The following RAMP1 variants were observed in gnomAD, a reference collection of about 807,000 sequenced individuals.
RAMP1 encodes receptor activity-modifying protein 1.
In RAMP1, 7 loss-of-function variants were observed where a neutral mutation model predicts 8.2. The ratio of observed to expected loss-of-function variants is 0.85; its 90% CI spans 0.49 to 1.60. The LOEUF is 1.60. RAMP1 is among the 40% of genes most tolerant of loss of function. The pLI is 0.00. For missense variants in RAMP1, 192 were observed against 202.4 expected, an observed-to-expected ratio of 0.95 and a Z score of 0.31; for synonymous variants, 92 against 84.7, an observed-to-expected ratio of 1.09 and a Z score of -0.47.
At chr2:237,886,063 G>C (rs1408650965) in intron 2 of RAMP1, among the ~76,000 whole-genome samples, 1 of 152,210 alleles carries the variant, frequency 6.6e-6, no homozygotes, top group Non-Finnish European at 1.5e-5. Context: ...AGTGACACCA[G>C]TCTGGCTCCC....
rs2062715830 is a variant in RAMP1 at position 237,911,683 on chromosome 2, G to T, written c.347G>T (p.Gly116Val). Residue 116 changes from glycine (G) to valine (V), a missense_variant, in exon 3 of 3, where the codon GGC (glycine) becomes GTC (valine). Coordinates refer to ENST00000254661, the MANE Select transcript of RAMP1 (RefSeq NM_005855.4). ...GGCAGGGCCGTGCGGGACCCGCCCG[G>T]CAGCATCCTCTACCCCTTCATCGTG... ...ISGRAVRDPP[G>V]SILYPFIVVP... The T allele has an allele frequency of 1.2e-6, 2 of 1,613,864 alleles. No individual in the cohort carries two copies. Among genetic ancestry groups the T allele is most frequent in the South Asian group, 2.2e-5 (2 of 91,082 alleles).
intron 2 of RAMP1, among the ~76,000 whole-genome samples, chr2:237,903,143 G>A (rs1205955943): frequency 1.3e-5 from 2 of 152,076 alleles, no homozygotes; most frequent in Non-Finnish European, 2.9e-5. Flanking sequence ...ACAGGCATGA[G>A]AGCTGTTCTT....
intron 2 of RAMP1, among the ~76,000 whole-genome samples, chr2:237,904,599 C>G (rs960397888): frequency 1.3e-5 from 2 of 152,150 alleles, no homozygotes; most frequent in African/African-American, 4.8e-5. Context: ...CAGAGCAAAA[C>G]GCTGTCTAAA....
intron 2 of RAMP1, among the ~76,000 whole-genome samples, chr2:237,879,763 G>T (rs939558872): frequency 6.7e-6 from 1 of 149,222 alleles, no homozygotes; most frequent in African/African-American, 2.5e-5. Flanking sequence ...GTCAAGGCGG[G>T]TGGATCAACT....
At chr2:237,908,649 G>A (rs2062676642) in intron 2 of RAMP1, among the ~76,000 whole-genome samples, 1 of 152,072 alleles carries the variant, frequency 6.6e-6, no homozygotes, top group South Asian at 2.1e-4. Context: ...TCTTGGCCAG[G>A]CTGGTCTTGA....
At chr2:237,899,141 G>A (rs907960682) in intron 2 of RAMP1, among the ~76,000 whole-genome samples, 5 of 151,534 alleles carry the variant, frequency 3.3e-5, no homozygotes, top group Admixed American at 2.0e-4. Context: ...CATGATCTCC[G>A]CTCGCTGCAA....
intron 2 of RAMP1, among the ~76,000 whole-genome samples, chr2:237,884,235 C>A (rs979806089): frequency 1.3e-5 from 2 of 152,184 alleles, no homozygotes; most frequent in Non-Finnish European, 2.9e-5. Context: ...GGCTCCCCTG[C>A]AAGCTGGCTG....
At chr2:237,904,562 C>T (rs1314194151) in intron 2 of RAMP1, among the ~76,000 whole-genome samples, 1 of 152,118 alleles carries the variant, frequency 6.6e-6, no homozygotes, top group Non-Finnish European at 1.5e-5. Flanking sequence ...GAGCCAAGAT[C>T]GTGCCACTGC....
intron 2 of RAMP1, among the ~76,000 whole-genome samples, chr2:237,891,215 G>GA (rs1559947562): frequency 6.7e-6 from 1 of 149,758 alleles, no homozygotes; most frequent in Non-Finnish European, 1.5e-5. Context: ...CAGTGGCATG[G>GA]TCTCGGCTCA....
rs115582277 is a variant in RAMP1, at chr2:237,894,932, C to T, written c.192-16596C>T. On this transcript the variant is annotated intron_variant, in intron 2 of 2. Transcript: ENST00000254661. ...CTCCTATCTGGTTGTGGTTCTCCTTCGACAAGTTAGGTGAAGGCACCTTGG... is the reference window on the plus strand; with the variant it reads ...CTCCTATCTGGTTGTGGTTCTCCTTTGACAAGTTAGGTGAAGGCACCTTGG... 8.3e-3 allele frequency among the ~76,000 whole-genome samples: 1,257 copies of T among 152,250 alleles called. 20 individuals are homozygous for T. The highest frequency in any genetic ancestry group is 0.028 in the African/African-American group (1,169 of 41,546).
chr2:237,895,073 C>T (rs1276477153), intron 2 of RAMP1, among the ~76,000 whole-genome samples: 3 of 152,170 alleles, frequency 2.0e-5, no homozygotes, highest in Non-Finnish European at 4.4e-5. Flanking sequence ...AGGGCAGGAC[C>T]TCCCCCTCCC....
chr2:237,910,489 AGTC>A (rs2062699906), intron 2 of RAMP1, among the ~76,000 whole-genome samples: 2 of 152,006 alleles, frequency 1.3e-5, no homozygotes, highest in African/African-American at 4.8e-5. Context: ...ACCCACACAC[AGTC>A]ACACACAGAA....
intron 2 of RAMP1, among the ~76,000 whole-genome samples, chr2:237,907,301 C>T (rs909956325): frequency 6.6e-6 from 1 of 152,146 alleles, no homozygotes; most frequent in Non-Finnish European, 1.5e-5. Context: ...GCTTTGTTTT[C>T]TGTCCTGCTT....
intron 2 of RAMP1, among the ~76,000 whole-genome samples, chr2:237,882,403 C>T (rs112947014): frequency 7.2e-5 from 11 of 152,216 alleles, no homozygotes; most frequent in African/African-American, 1.4e-4. Context: ...GTGTCGAGCA[C>T]GTAACGTACA....
chr2:237,888,490 C>G (rs761480975), intron 2 of RAMP1, among the ~76,000 whole-genome samples: 8 of 148,666 alleles, frequency 5.4e-5, no homozygotes, highest in Non-Finnish European at 8.8e-5. Flanking sequence ...TTTATTTTTG[C>G]AGGTCAAAGG....
chr2:237,888,867 G>T (rs1446657567), intron 2 of RAMP1, among the ~76,000 whole-genome samples: 1 of 152,118 alleles, frequency 6.6e-6, no homozygotes, highest in Non-Finnish European at 1.5e-5. Context: ...TGCCTCCCGG[G>T]TTCAAGTGAT....
intron 2 of RAMP1, among the ~76,000 whole-genome samples, chr2:237,909,543 C>A (rs968976046): frequency 6.6e-5 from 10 of 152,070 alleles, no homozygotes; most frequent in African/African-American, 2.4e-4. Context: ...TTCTGTGAAG[C>A]AGGAGGTCAC....
rs1321044397 is a variant in RAMP1 at position 237,862,486 on chromosome 2, T to C, written c.52+2759T>C. ...ATGGTAGATTCAGCTCCGGGAAATG[T>C]TTTAGGTGGAATCTTTAGTTAAGGC... On this transcript the variant is annotated intron_variant, in intron 1 of 2. Coordinates refer to ENST00000254661, the MANE Select transcript of RAMP1 (RefSeq NM_005855.4). This position sits in a 1 kb window ranked among gnomAD's most constrained non-coding sequence, Gnocchi z 4.0. Among the ~76,000 whole-genome samples the C allele has an allele frequency of 1.3e-5, 2 of 152,156 alleles. No individual in the cohort carries two copies. The highest frequency in any genetic ancestry group is 2.1e-4 in the South Asian group (1 of 4,826).
chr2:237,879,431 G>A (rs748444768), intron 2 of RAMP1, among the ~76,000 whole-genome samples: 2 of 151,714 alleles, frequency 1.3e-5, no homozygotes, highest in Non-Finnish European at 2.9e-5. Context: ...CCTCGGAGCC[G>A]AGTGGCCATA....
Sources: gnomAD v4.1 joint callset for allele counts (sites outside exome capture counted in the v4.1 genomes callset) on GRCh38, gnomAD v4.1.1 for gene constraint, Gnocchi (gnomAD v3.1) non-coding constraint, MANE v1.5 for transcripts, NCBI Gene and HGNC (gene_info 2026-07-23, HGNC 2026-07-21) for gene names.